FBXO32: variants seen among roughly 807,000 people sequenced by gnomAD.
FBXO32 encodes the protein F-box only protein 32.
Under a neutral mutation model 48.3 loss-of-function variants are expected in FBXO32, and 15 were observed. The observed-to-expected ratio is 0.31, with a 90% CI of 0.21 to 0.48. The LOEUF (loss-of-function observed/expected upper bound fraction) is 0.48, where lower values mean the gene tolerates loss of function less well. Ranked by LOEUF, FBXO32 falls within the 20% of genes least tolerant of loss-of-function variation. The pLI is 0.99. For synonymous variants in FBXO32, 154 were observed against 165.9 expected, an observed-to-expected ratio of 0.93 and a Z score of 0.55; for missense variants, 309 against 432.7, an observed-to-expected ratio of 0.71 and a Z score of 2.54.
Position 123,537,519 on chromosome 8 carries a change from C to T in FBXO32, c.117-2705G>A, listed in dbSNP as rs552066314. 4.2e-4 allele frequency among the ~76,000 whole-genome samples: 64 copies of T among 152,172 alleles called. 1 individual carries two copies. In the South Asian group the frequency reaches 0.013, roughly 31 times the overall value. On this transcript the variant is annotated intron_variant, in intron 1 of 8. Transcript: ENST00000517956. The stretch of plus-strand genomic sequence containing the variant: ...GAAGGGAATGAAAAAAAAAATAAAG[C>T]CCTATTTCTCATTTCATTTGCAATA...
chr8:123,503,202 C>T lies in FBXO32; in HGVS notation c.*171G>A. The T allele has an allele frequency of 4.1e-6, 2 of 487,352 alleles. No individual in the cohort carries two copies. The highest frequency in any genetic ancestry group is 4.1e-5 in the South Asian group (1 of 24,296). The allele number at this position is 487,352 out of a possible 1,614,324, so 30.2% of individuals were successfully genotyped here. ...GTGAGAAGTTCACATTCTTAAATTCCCAGTCAGCAACTGCATTTCTCCCCT... is the reference window on the plus strand; with the variant it reads ...GTGAGAAGTTCACATTCTTAAATTCTCAGTCAGCAACTGCATTTCTCCCCT... On this transcript the variant is annotated 3_prime_UTR_variant, in exon 9 of 9. Transcript: ENST00000517956.
At chr8:123,535,259 AG>A (rs1365372134) in intron 1 of FBXO32, among the ~76,000 whole-genome samples, 1 of 152,202 alleles carries the variant, frequency 6.6e-6, no homozygotes, top group African/African-American at 2.4e-5. Context: ...AAAAAAAAAA[AG>A]TTTCATTGAG....
chr8:123,518,056 G>A (rs1364071100), intron 4 of FBXO32, among the ~76,000 whole-genome samples: 1 of 152,170 alleles, frequency 6.6e-6, no homozygotes, highest in Non-Finnish European at 1.5e-5. Flanking sequence ...GGGCATGGGT[G>A]TATTCCAATA....
intron 1 of FBXO32, among the ~76,000 whole-genome samples, chr8:123,539,733 C>T (rs1349361392): frequency 6.6e-6 from 1 of 152,122 alleles, no homozygotes; most frequent in Non-Finnish European, 1.5e-5. Flanking sequence ...AATTTATTGC[C>T]AATGCTTCAT....
At chr8:123,521,930 A>C (rs764497805) in intron 4 of FBXO32, among the ~76,000 whole-genome samples, 1 of 152,166 alleles carries the variant, frequency 6.6e-6, no homozygotes, top group Non-Finnish European at 1.5e-5. Flanking sequence ...GGGTACTTCC[A>C]AGACCCTTAT....
chr8:123,541,002 C>G lies in FBXO32; in HGVS notation c.13G>C (p.Gly5Arg). The G allele has an allele frequency of 6.2e-7, 1 of 1,608,990 alleles. No individual in the cohort carries two copies. Among genetic ancestry groups the G allele is most frequent in the Non-Finnish European group, 8.5e-7 (1 of 1,177,154 alleles). Residue 5 changes from glycine (G) to arginine (R), a missense_variant, in exon 1 of 9, where the codon GGG (glycine) becomes CGG (arginine). Gly to Arg is a moderately radical substitution (Grantham distance 125). Coordinates refer to ENST00000517956, the MANE Select transcript of FBXO32 (RefSeq NM_058229.4). ...TGCCCGGGGGACCGCCAGTCCTGCC[C>G]GAGGAATGGCATGGCACCGCGAGCG... MPFLGQDWRSPGQNW... is the reference protein window; with the variant it reads MPFLRQDWRSPGQNW...
chr8:123,527,026 A>G (rs1048149008), intron 4 of FBXO32: 1 of 152,238 alleles, frequency 6.6e-6, no homozygotes, highest in African/African-American at 2.4e-5. Flanking sequence ...TTATTTATGG[A>G]TACTGAAATT....
chr8:123,534,842 G>A, intron 1 of FBXO32, 28 bp from the exon 2 acceptor site: 1 of 1,444,678 alleles, frequency 6.9e-7, no homozygotes. Flanking sequence ...CAAAGAGGAT[G>A]AGCTGTAACA....
intron 8 of FBXO32, among the ~76,000 whole-genome samples, 168 bp downstream of exon 8, chr8:123,504,436 G>A (rs754857371): frequency 3.9e-5 from 6 of 152,060 alleles, no homozygotes; most frequent in Non-Finnish European, 5.9e-5. Context: ...GTCTATAAAA[G>A]TCCTTCCCCC....
chr8:123,528,494 T>C (rs1817133964), intron 4 of FBXO32, among the ~76,000 whole-genome samples: 1 of 152,224 alleles, frequency 6.6e-6, no homozygotes, highest in Admixed American at 6.5e-5. Context: ...AAGTTGCTGT[T>C]TCTAGAGATG....
At chr8:123,511,473 GTTTT>G (rs1175355798) in intron 6 of FBXO32, among the ~76,000 whole-genome samples, 2 of 151,178 alleles carry the variant, frequency 1.3e-5, no homozygotes, top group South Asian at 2.1e-4. Flanking sequence ...CCATCTAGAG[GTTTT>G]TTGTTTTTTT....
At chr8:123,533,636 C>T (rs1025390196) in intron 2 of FBXO32, among the ~76,000 whole-genome samples, 6 of 151,742 alleles carry the variant, frequency 4.0e-5, no homozygotes, top group East Asian at 1.9e-4. Flanking sequence ...GGTGAAACCC[C>T]GTCTCTTCTA....
At chr8:123,504,824 AG>A (rs1351828266) in intron 7 of FBXO32, 77 bp from the exon 8 acceptor site, 19 of 1,426,578 alleles carry the variant, frequency 1.3e-5, no homozygotes, top group Non-Finnish European at 1.8e-5. Context: ...GGTTCTGAAA[AG>A]GTTTACTCTC....
chr8:123,519,583 T>A (rs1015321878), intron 4 of FBXO32, among the ~76,000 whole-genome samples: 74 of 149,274 alleles, frequency 5.0e-4, no homozygotes, highest in African/African-American at 1.4e-3. Flanking sequence ...TTTTATATAA[T>A]AATATGTTGT....
chr8:123,509,413 G>A (rs1008564131), intron 6 of FBXO32, among the ~76,000 whole-genome samples: 3 of 152,110 alleles, frequency 2.0e-5, no homozygotes, highest in Non-Finnish European at 4.4e-5. Flanking sequence ...GAGCTTCTGT[G>A]TGGAGGCTGG....
chr8:123,505,581 C>G (rs1816599913), intron 7 of FBXO32, among the ~76,000 whole-genome samples: 1 of 152,216 alleles, frequency 6.6e-6, no homozygotes, highest in East Asian at 1.9e-4. Flanking sequence ...ACTAAAAATA[C>G]AAAAATTAGC....
At chr8:123,505,708 C>T (rs1227073102) in intron 7 of FBXO32, among the ~76,000 whole-genome samples, 1 of 152,090 alleles carries the variant, frequency 6.6e-6, no homozygotes, top group Non-Finnish European at 1.5e-5. Flanking sequence ...TGTACTCCAG[C>T]CTGGGTGACA....
In FBXO32 at chr8:123,540,842, C is replaced by T. The variant is rs1259468335; in HGVS notation, c.116+57G>A. On this transcript the variant is annotated intron_variant, in intron 1 of 8. Transcript: ENST00000517956. The surrounding 1 kb of genome is among the most constrained non-coding windows in gnomAD (Gnocchi z 6.4). ...CCCTCATTCGCCGTCCCTGCGCCCC[C>T]CAGACCAGCCCGGGTCAGTTTCGCG... The T allele has an allele frequency of 3.4e-6, 5 of 1,468,522 alleles. No individual in the cohort carries two copies. The East Asian group carries it at 1.2e-4, about 36-fold the overall frequency. 91.0% of individuals were successfully genotyped at this position (1,468,522 alleles called of 1,614,324 possible). A position where few individuals can be genotyped will look rare whatever the true frequency, so the allele number is the denominator to read the frequency against.
rs1817404423 is a variant in FBXO32, at chr8:123,541,115, C to A, written c.-101G>T. 6.7e-6 allele frequency: 4 copies of A among 594,346 alleles called. No homozygotes were observed. In the African/African-American group the frequency reaches 8.0e-5, roughly 12 times the overall value. 36.8% of individuals were successfully genotyped at this position (594,346 alleles called of 1,614,324 possible). A position where few individuals can be genotyped will look rare whatever the true frequency, so the allele number is the denominator to read the frequency against. On this transcript the variant is annotated 5_prime_UTR_variant, in exon 1 of 9. Transcript: ENST00000517956. ...ATGCTCGGGGTGCAGGGGCCCGCGA[C>A]GGGGGCGGCGGGGCGGCGGGAACGG...
Sources: allele counts gnomAD v4.1 joint callset (sites outside exome capture counted in the v4.1 genomes callset), GRCh38; gene constraint gnomAD v4.1.1; non-coding constraint Gnocchi (gnomAD v3.1); transcripts MANE v1.5; gene names NCBI Gene and HGNC (gene_info 2026-07-23, HGNC 2026-07-21).